The following ELMO1 variants were observed in gnomAD, a reference collection of about 807,000 sequenced individuals.
ELMO1 encodes engulfment and cell motility 1.
ELMO1 carries 26 observed loss-of-function variants against 98.9 expected under a neutral mutation model. The observed-to-expected ratio is 0.26, with a 90% confidence interval of 0.19 to 0.36. The LOEUF (loss-of-function observed/expected upper bound fraction) is 0.36, where lower values mean the gene tolerates loss of function less well. Among genes scored for constraint, ELMO1 ranks in the 10% least tolerant of loss-of-function variants. The pLI, the probability that ELMO1 is intolerant of heterozygous loss-of-function variation, is 1.00. For missense variants in ELMO1, 627 were observed against 935.2 expected (o/e 0.67, Z 4.30); for synonymous variants, 346 against 346.0 (o/e 1.00, Z 0.00).
intron 14 of ELMO1, among the ~76,000 whole-genome samples, chr7:37,105,537 G>T (rs545293921): frequency 3.3e-4 from 50 of 152,126 alleles, no homozygotes; most frequent in Non-Finnish European, 7.2e-4. Flanking sequence ...AATGCAGATT[G>T]CTGGACTCCA....
intron 12 of ELMO1, among the ~76,000 whole-genome samples, chr7:37,212,082 T>C (rs73341946): frequency 0.014 from 2,084 of 152,292 alleles, 56 homozygotes; most frequent in African/African-American, 0.048. Context: ...TGCTACAATC[T>C]GGATGAGCTT....
At chr7:37,371,572 T>C (rs1351125396) in intron 1 of ELMO1, among the ~76,000 whole-genome samples, 1 of 152,102 alleles carries the variant, frequency 6.6e-6, no homozygotes, top group Non-Finnish European at 1.5e-5. Context: ...TGAAAGTACA[T>C]ATATATATAT....
At chr7:37,253,544 A>G (rs1303799696) in intron 6 of ELMO1, among the ~76,000 whole-genome samples, 3 of 152,106 alleles carry the variant, frequency 2.0e-5, no homozygotes, top group Non-Finnish European at 2.9e-5. Context: ...ACATAGACAC[A>G]GGGCGGGGAA....
At chr7:37,223,591 G>A (rs1793713803) in intron 9 of ELMO1, among the ~76,000 whole-genome samples, 2 of 152,332 alleles carry the variant, frequency 1.3e-5, no homozygotes, top group Non-Finnish European at 2.9e-5. Context: ...CTTTGGTAAC[G>A]TGCTTTGGGA....
At chr7:37,023,820 G>A (rs1174179775) in intron 15 of ELMO1, among the ~76,000 whole-genome samples, 1 of 152,134 alleles carries the variant, frequency 6.6e-6, no homozygotes, top group Non-Finnish European at 1.5e-5. Context: ...CTGACCTCAA[G>A]TGATCTGCCC....
intron 16 of ELMO1, among the ~76,000 whole-genome samples, chr7:36,927,348 A>C (rs1300683091): frequency 1.3e-5 from 2 of 152,252 alleles, no homozygotes; most frequent in Non-Finnish European, 2.9e-5. Context: ...AGCGAAATCA[A>C]GATTGTTTCT....
At chr7:37,200,244 ATTTT>A (rs373030810) in intron 13 of ELMO1, among the ~76,000 whole-genome samples, 1 of 137,556 alleles carries the variant, frequency 7.3e-6, no homozygotes, top group Non-Finnish European at 1.5e-5. Flanking sequence ...AAGCTAATTA[ATTTT>A]TTTTTTTTTT....
intron 4 of ELMO1, among the ~76,000 whole-genome samples, chr7:37,292,879 C>G: frequency 9.6e-6 from 1 of 104,074 alleles, no homozygotes; most frequent in African/African-American, 3.4e-5. Context: ...AGTGAGGAGC[C>G]CCTCTGCCCG....
chr7:37,167,452 G>C (rs949339662), intron 13 of ELMO1, among the ~76,000 whole-genome samples: 1 of 151,558 alleles, frequency 6.6e-6, no homozygotes, highest in African/African-American at 2.4e-5. Context: ...TTTACATTTT[G>C]GCATGATTTT....
chr7:37,213,563 G>A, intron 11 of ELMO1, 106 bp from the exon 12 acceptor site: 1 of 1,063,326 alleles, frequency 9.4e-7, no homozygotes. Flanking sequence ...GAGGTATAAG[G>A]AATGGAGAAG....
chr7:36,958,748 TC>T (rs1461594161), intron 16 of ELMO1, among the ~76,000 whole-genome samples: 1 of 152,102 alleles, frequency 6.6e-6, no homozygotes, highest in Non-Finnish European at 1.5e-5. Flanking sequence ...TAGCATCACC[TC>T]CTCAGTCTCC....
chr7:37,284,123 T>C (rs750353197), intron 4 of ELMO1, among the ~76,000 whole-genome samples: 2 of 152,078 alleles, frequency 1.3e-5, no homozygotes, highest in Non-Finnish European at 2.9e-5. Flanking sequence ...GTCTGGTATC[T>C]GGGAGAAGCA....
chr7:36,914,944 T>A (rs913619510), intron 16 of ELMO1, among the ~76,000 whole-genome samples: 2 of 152,176 alleles, frequency 1.3e-5, no homozygotes, highest in Non-Finnish European at 2.9e-5. Flanking sequence ...CAGCTTTCAT[T>A]TAGCAAAGCA....
chr7:37,224,867 T>C lies in ELMO1; in HGVS notation c.701+12A>G, dbSNP rs371340574. The C allele has an allele frequency of 6.2e-7, 1 of 1,613,002 alleles. No homozygotes were observed. Among genetic ancestry groups the C allele is most frequent in the African/African-American group, 1.3e-5 (1 of 75,016 alleles). On this transcript the variant is annotated intron_variant, in intron 9 of 21. Coordinates refer to ENST00000310758, the MANE Select transcript of ELMO1 (RefSeq NM_014800.11). The stretch of plus-strand genomic sequence containing the variant: ...AGCATTTCTCCTCCCCAGAGCATCT[T>C]GGCATGCTTACCCTTGCAGGTGTGG...
chr7:36,872,558 G>A (rs79792111), intron 19 of ELMO1, among the ~76,000 whole-genome samples: 3,761 of 152,272 alleles, frequency 0.025, 111 homozygotes, highest in South Asian at 0.13. Flanking sequence ...CCTTGGGGTT[G>A]GCATCTTCCT....
intron 15 of ELMO1, among the ~76,000 whole-genome samples, chr7:37,027,090 C>T (rs914276230): frequency 6.6e-6 from 1 of 152,130 alleles, no homozygotes; most frequent in Non-Finnish European, 1.5e-5. Context: ...GGAAGGCTCC[C>T]CACAAGCTTC....
intron 15 of ELMO1, among the ~76,000 whole-genome samples, chr7:37,082,415 A>G (rs771278972): frequency 6.6e-6 from 1 of 152,110 alleles, no homozygotes; most frequent in African/African-American, 2.4e-5. Context: ...AGAAAAGCAT[A>G]TTTCACAGCC....
chr7:36,856,957 T>C (rs1170284291), intron 21 of ELMO1, among the ~76,000 whole-genome samples: 2 of 152,230 alleles, frequency 1.3e-5, no homozygotes, highest in African/African-American at 2.4e-5. Context: ...CTGGACTGTA[T>C]TCCATGGTAG....
Position 36,870,343 on chromosome 7 carries a change from C to T in ELMO1, c.1905+50G>A. On this transcript the variant is annotated intron_variant, in intron 20 of 21. Coordinates refer to ENST00000310758, the MANE Select transcript of ELMO1 (RefSeq NM_014800.11). This position sits in a 1 kb window ranked among gnomAD's most constrained non-coding sequence, Gnocchi z 4.4. ...AGGAGGGCTAGGCTGGCTGCAGTTG[C>T]CGACCGCACTGGGCAAATAGAGCTA... 2 of 1,583,352 alleles carry T rather than the reference C, an allele frequency of 1.3e-6. No homozygotes were observed. Among genetic ancestry groups the T allele is most frequent in the South Asian group, 1.1e-5 (1 of 89,844 alleles).
Sources: allele counts gnomAD v4.1 joint callset (sites outside exome capture counted in the v4.1 genomes callset), GRCh38; gene constraint gnomAD v4.1.1; non-coding constraint Gnocchi (gnomAD v3.1); transcripts MANE v1.5; gene names NCBI Gene and HGNC (gene_info 2026-07-23, HGNC 2026-07-21).